PDIA3: variants seen among roughly 807,000 people sequenced by gnomAD.
The protein encoded by PDIA3 is protein disulfide isomerase family A member 3, also known as protein disulfide-isomerase A3.
A neutral mutation model predicts 56.9 loss-of-function variants in PDIA3; 16 were observed. The observed-to-expected ratio is 0.28, with a 90% CI of 0.19 to 0.43. The LOEUF is 0.43. Among genes scored for constraint, PDIA3 ranks in the 20% least tolerant of loss-of-function variants. PDIA3 has a pLI of 1.00. For missense variants in PDIA3, 485 were observed against 621.3 expected (o/e 0.78, Z 2.33); for synonymous variants, 192 against 216.5 (o/e 0.89, Z 0.99).
chr15:43,757,715 C>T (rs1292694323), intron 3 of PDIA3, among the ~76,000 whole-genome samples: 1 of 150,248 alleles, frequency 6.7e-6, no homozygotes, highest in Non-Finnish European at 1.5e-5. Flanking sequence ...AAAAAATTAG[C>T]ACTGGGCGTG....
intron 7 of PDIA3, 65 bp downstream of exon 7, chr15:43,766,077 C>A: frequency 1.5e-6 from 2 of 1,376,660 alleles, no homozygotes; most frequent in Non-Finnish European, 2.0e-6. Flanking sequence ...TCCCTTCTAA[C>A]TATCTTGTTG....
intron 3 of PDIA3, among the ~76,000 whole-genome samples, chr15:43,757,450 C>T (rs1003450585): frequency 6.6e-6 from 1 of 151,416 alleles, no homozygotes; most frequent in Non-Finnish European, 1.5e-5. Flanking sequence ...CCTAGCTGCT[C>T]GGGAGGCTGA....
intron 2 of PDIA3, among the ~76,000 whole-genome samples, chr15:43,756,223 AT>A (rs2086777778): frequency 6.6e-6 from 1 of 152,138 alleles, no homozygotes; most frequent in Non-Finnish European, 1.5e-5. Context: ...GCTCTAGATG[AT>A]TTGCAAAATC....
At chr15:43,748,232 C>T (rs1291994599) in intron 1 of PDIA3, among the ~76,000 whole-genome samples, 1 of 152,094 alleles carries the variant, frequency 6.6e-6, no homozygotes, top group African/African-American at 2.4e-5. Context: ...AATCCCAGCA[C>T]TTTGGGAGGC....
chr15:43,769,713 C>T, intron 10 of PDIA3, 67 bp downstream of exon 10: 1 of 1,537,608 alleles, frequency 6.5e-7, no homozygotes, highest in Non-Finnish European at 8.9e-7. Context: ...ATGTATTCAG[C>T]ATTGGCTAAT....
At position 43,759,916 on chromosome 15, in the gene PDIA3, C is replaced by T. The variant is rs779683071; in HGVS notation, c.365-1508C>T. On this transcript the variant is annotated intron_variant, in intron 3 of 12. Coordinates refer to ENST00000300289, the MANE Select transcript of PDIA3 (RefSeq NM_005313.5). ...CTGACCAGCCAACATAGTGAAACCC[C>T]GTCTGTACTAAAAATACAAAAAATT... Among the ~76,000 whole-genome samples the T allele has an allele frequency of 5.3e-5, 8 of 151,972 alleles. No individual in the cohort carries two copies. In the East Asian group the frequency reaches 7.7e-4, roughly 15 times the overall value.
chr15:43,773,110 A>G lies in PDIA3; in HGVS notation c.*1892A>G. The G allele has an allele frequency of 6.3e-7, 1 of 1,589,492 alleles. No individual in the cohort carries two copies. The highest frequency in any genetic ancestry group is 1.4e-5 in the African/African-American group (1 of 73,256). ...AAGCAGAGGCTCAAAAATTCCCTTG[A>G]TAACTTCAGCTGCCCCTGTTCTTTT... On this transcript the variant is annotated 3_prime_UTR_variant, in exon 13 of 13. Transcript: ENST00000300289.
In PDIA3 at chr15:43,768,519, G is replaced by T; in HGVS notation, c.1059G>T (p.Leu353=). ...ATGGGAAGGCTCTGGAGAGGTTCCTGCAGGATTACTTTGATGGCAATCTGA... is the reference window on the plus strand; with the variant it reads ...ATGGGAAGGCTCTGGAGAGGTTCCTTCAGGATTACTTTGATGGCAATCTGA... ...SRDGKALERF[L]QDYFDGNLKR... The change falls in exon 9 of 13, where the codon CTG becomes CTT. Residue 353 remains leucine, a synonymous_variant. Transcript: ENST00000300289. 1.2e-6 allele frequency: 2 copies of T among 1,613,862 alleles called. No individual in the cohort carries two copies. Among genetic ancestry groups the T allele is most frequent in the Non-Finnish European group, 1.7e-6 (2 of 1,179,778 alleles).
At chr15:43,761,317 T>G (rs1341416111) in intron 3 of PDIA3, 107 bp from the exon 4 acceptor site, 1 of 540,204 alleles carries the variant, frequency 1.9e-6, no homozygotes, top group Non-Finnish European at 3.3e-6. Context: ...GCAAGAAGAT[T>G]TCATCTTATA....
Position 43,770,239 on chromosome 15 carries a change from T to TAA in PDIA3, c.1267-11_1267-10insAA. On this transcript the variant is annotated splice_polypyrimidine_tract_variant and intron_variant, in intron 10 of 12. Transcript: ENST00000300289. ...CTTGAAATGTAAACATTTAACCTGT[T>TAA]TTATTAACAGCTCAGCAAAGACCCA... 1 of 1,609,998 alleles carries TAA rather than the reference T, an allele frequency of 6.2e-7. No individual in the cohort carries two copies. The highest frequency in any genetic ancestry group is 8.5e-7 in the Non-Finnish European group (1 of 1,176,302).
chr15:43,755,289 CTG>C (rs988184224), intron 2 of PDIA3, among the ~76,000 whole-genome samples: 2 of 152,088 alleles, frequency 1.3e-5, no homozygotes, highest in Non-Finnish European at 2.9e-5. Context: ...GATCATGGCA[CTG>C]TACTCCAGCC....
intron 9 of PDIA3, 46 bp downstream of exon 9, chr15:43,768,643 T>C (rs1284315591): frequency 3.2e-6 from 4 of 1,265,532 alleles, no homozygotes; most frequent in Non-Finnish European, 4.6e-6. Flanking sequence ...TTGCCTGTCC[T>C]CATTTCTTTG....
chr15:43,758,839 T>G (rs2086796383), intron 3 of PDIA3, among the ~76,000 whole-genome samples: 1 of 151,422 alleles, frequency 6.6e-6, no homozygotes, highest in Non-Finnish European at 1.5e-5. Context: ...TAGCTGGGCG[T>G]GGTGGTGCAC....
chr15:43,751,807 A>G (rs1172410830), intron 1 of PDIA3: 9 of 1,252,168 alleles, frequency 7.2e-6, no homozygotes, highest in Non-Finnish European at 8.4e-6. Flanking sequence ...GGTATTTTTG[A>G]TAAGCATCTA....
At position 43,766,919 on chromosome 15, in the gene PDIA3, C is replaced by T; in HGVS notation, c.1028+9C>T. The T allele has an allele frequency of 1.2e-6, 2 of 1,613,084 alleles. No homozygotes were observed. Among genetic ancestry groups the T allele is most frequent in the South Asian group, 2.2e-5 (2 of 91,012 alleles). On this transcript the variant is annotated intron_variant, in intron 8 of 12. Coordinates refer to ENST00000300289, the MANE Select transcript of PDIA3 (RefSeq NM_005313.5). ...ATGCAGGAGGAGTTCTCGTGAGTTG[C>T]TAGTTGGGCTTTGATTCTCCAAGGC...
Position 43,765,518 on chromosome 15 carries a change from A to C in PDIA3, c.671A>C (p.Glu224Ala). 6.2e-7 allele frequency: 1 copy of C among 1,612,734 alleles called. No individual in the cohort carries two copies. Among genetic ancestry groups the C allele is most frequent in the Non-Finnish European group, 8.5e-7 (1 of 1,179,086 alleles). ...GAGGACAAGACTGTGGCATATACAG[A>C]GCAAAAAATGACCAGTGGCAAAATT... ...KFEDKTVAYT[E>A]QKMTSGKIKK... The change falls in exon 6 of 13, where the codon GAG (glutamate) becomes GCG (alanine). Residue 224 changes from glutamate (E) to alanine (A), a missense_variant. Transcript: ENST00000300289.
intron 5 of PDIA3, among the ~76,000 whole-genome samples, chr15:43,764,706 G>A (rs1456817592): frequency 1.3e-5 from 2 of 152,134 alleles, no homozygotes; most frequent in Admixed American, 6.6e-5. Flanking sequence ...GACCTGAGGT[G>A]ATCTGTCTGC....
Sources: gnomAD v4.1 joint callset for allele counts (sites outside exome capture counted in the v4.1 genomes callset) on GRCh38, gnomAD v4.1.1 for gene constraint, MANE v1.5 for transcripts, NCBI Gene and HGNC (gene_info 2026-07-23, HGNC 2026-07-21) for gene names.